MLLT10: variants seen among roughly 807,000 people sequenced by gnomAD.
MLLT10 encodes the protein MLLT10 histone lysine methyltransferase DOT1L cofactor.
A neutral mutation model predicts 129.1 loss-of-function variants in MLLT10; 30 were observed. The observed-to-expected ratio is 0.23, with a 90% CI of 0.17 to 0.32. The LOEUF is 0.32. MLLT10 is among the 10% of genes least tolerant of loss of function. MLLT10 has a pLI of 1.00. For synonymous variants in MLLT10, 490 were observed against 446.4 expected (o/e 1.10, Z -1.23); for missense variants, 1,119 against 1,268.3 (o/e 0.88, Z 1.79).
chr10:21,604,489 C>T (rs1194870701), intron 5 of MLLT10, among the ~76,000 whole-genome samples: 2 of 151,944 alleles, frequency 1.3e-5, no homozygotes, highest in Non-Finnish European at 2.9e-5. Flanking sequence ...ACTCGGGTGG[C>T]GGAGGAGGAG....
chr10:21,742,044 T>C lies in MLLT10; in HGVS notation c.*61T>C. On this transcript the variant is annotated 3_prime_UTR_variant, in exon 23 of 23. Coordinates refer to ENST00000307729, the MANE Select transcript of MLLT10 (RefSeq NM_001195626.3). ...GTTCTAGCACTTCATCTGGCTGCCTTTGCAGTCCTTTTACTACAGCTATGA... is the reference window on the plus strand; with the variant it reads ...GTTCTAGCACTTCATCTGGCTGCCTCTGCAGTCCTTTTACTACAGCTATGA... 6.7e-7 allele frequency: 1 copy of C among 1,497,642 alleles called. No individual in the cohort carries two copies. Among genetic ancestry groups the C allele is most frequent in the Non-Finnish European group, 9.2e-7 (1 of 1,081,252 alleles). 92.8% of individuals were successfully genotyped at this position (1,497,642 alleles called of 1,614,324 possible).
At chr10:21,693,830 A>C (rs760860676) in intron 13 of MLLT10, among the ~76,000 whole-genome samples, 1 of 152,100 alleles carries the variant, frequency 6.6e-6, no homozygotes, top group Non-Finnish European at 1.5e-5. Context: ...ATATCTGAGT[A>C]ATTTGTTTAG....
At chr10:21,639,243 C>A (rs944516583) in intron 8 of MLLT10, among the ~76,000 whole-genome samples, 1 of 152,212 alleles carries the variant, frequency 6.6e-6, no homozygotes, top group Non-Finnish European at 1.5e-5. Context: ...CCCCACCAAG[C>A]AAGCTGTCAG....
chr10:21,558,617 C>G (rs1025032385), intron 3 of MLLT10, among the ~76,000 whole-genome samples: 1 of 151,404 alleles, frequency 6.6e-6, no homozygotes, highest in Non-Finnish European at 1.5e-5. Context: ...AACTCCTGGC[C>G]TCACGCAGTC....
chr10:21,581,238 G>C (rs1423609313), intron 3 of MLLT10, among the ~76,000 whole-genome samples: 1 of 151,360 alleles, frequency 6.6e-6, no homozygotes, highest in Non-Finnish European at 1.5e-5. Flanking sequence ...TAGTAGAGAC[G>C]GGGTTTCACC....
intron 8 of MLLT10, 41 bp from the exon 9 acceptor site, chr10:21,651,632 T>C (rs772094893): frequency 1.4e-6 from 2 of 1,395,400 alleles, no homozygotes; most frequent in African/African-American, 1.4e-5. Flanking sequence ...TATGGGGTTA[T>C]AGTTAAATTA....
At chr10:21,590,499 C>T (rs1350887176) in intron 4 of MLLT10, among the ~76,000 whole-genome samples, 1 of 152,044 alleles carries the variant, frequency 6.6e-6, no homozygotes, top group Non-Finnish European at 1.5e-5. Context: ...CTACCATGCC[C>T]AGCTAATTTT....
At chr10:21,708,483 T>C (rs1564690763) in intron 13 of MLLT10, 1 of 803,652 alleles carries the variant, frequency 1.2e-6, no homozygotes, top group African/African-American at 1.9e-5. Context: ...GGGAATACAT[T>C]ATTTTCATTT....
intron 3 of MLLT10, among the ~76,000 whole-genome samples, chr10:21,574,474 A>C (rs2040526522): frequency 6.6e-6 from 1 of 152,208 alleles, no homozygotes; most frequent in South Asian, 2.1e-4. Context: ...GCAAGAAAAA[A>C]TTTGAGGCGG....
At chr10:21,722,636 C>G (rs1589823115) in intron 14 of MLLT10, among the ~76,000 whole-genome samples, 1 of 152,166 alleles carries the variant, frequency 6.6e-6, no homozygotes, top group Non-Finnish European at 1.5e-5. Flanking sequence ...ACGCCAGACA[C>G]TGTGTGTGCT....
At chr10:21,588,434 C>G (rs1341120048) in intron 4 of MLLT10, among the ~76,000 whole-genome samples, 1 of 152,020 alleles carries the variant, frequency 6.6e-6, no homozygotes, top group Non-Finnish European at 1.5e-5. Flanking sequence ...AATATCTAAT[C>G]AATCAGTTCT....
At chr10:21,677,825 C>T (rs2052337447) in intron 11 of MLLT10, among the ~76,000 whole-genome samples, 1 of 152,160 alleles carries the variant, frequency 6.6e-6, no homozygotes, top group Admixed American at 6.5e-5. Flanking sequence ...CGAAGATGAC[C>T]TTTGTAAGCA....
intron 9 of MLLT10, among the ~76,000 whole-genome samples, chr10:21,655,107 T>C (rs1363313545): frequency 6.6e-6 from 1 of 152,106 alleles, no homozygotes; most frequent in South Asian, 2.1e-4. Context: ...TTTAATCATA[T>C]CAGAATCTAG....
intron 17 of MLLT10, among the ~76,000 whole-genome samples, chr10:21,732,646 T>C (rs1288548168): frequency 1.3e-5 from 2 of 152,212 alleles, no homozygotes; most frequent in Admixed American, 1.3e-4. Context: ...TGTGTGTTTT[T>C]TGGTATGTGG....
At chr10:21,734,205 T>TA (rs1257119402) in intron 20 of MLLT10, 76 bp downstream of exon 20, 47 of 1,490,518 alleles carry the variant, frequency 3.2e-5, no homozygotes, top group Non-Finnish European at 4.2e-5. Context: ...GATTGGGGCT[T>TA]TCAATGTGTT....
At chr10:21,653,083 T>C (rs1198680728) in intron 9 of MLLT10, among the ~76,000 whole-genome samples, 2 of 152,202 alleles carry the variant, frequency 1.3e-5, no homozygotes, top group Non-Finnish European at 2.9e-5. Context: ...TTTAGTTTTC[T>C]ATTGCAGTTG....
rs180789919 is a variant in MLLT10 at position 21,613,309 on chromosome 10, G to A, written c.509+858G>A. ...GGTAACAGTTCCAAATAAAAAGTTT[G>A]GGAATAATCTGTGCACTAATTTTAA... On this transcript the variant is annotated intron_variant, in intron 6 of 22. Coordinates refer to ENST00000307729, the MANE Select transcript of MLLT10 (RefSeq NM_001195626.3). Among the ~76,000 whole-genome samples, 38 of 151,862 alleles carry A rather than the reference G, an allele frequency of 2.5e-4. No individual in the cohort carries two copies. In the East Asian group the frequency reaches 7.0e-3, roughly 28 times the overall value.
At chr10:21,722,232 C>G (rs2057184780) in intron 14 of MLLT10, among the ~76,000 whole-genome samples, 1 of 152,108 alleles carries the variant, frequency 6.6e-6, no homozygotes, top group African/African-American at 2.4e-5. Context: ...AACTTATATT[C>G]TTACAGTACC....
chr10:21,670,703 A>G lies in MLLT10; in HGVS notation c.1050A>G (p.Gln350=). The part of the protein sequence containing the change: ...TTVSAASPFP[Q]GSFSGTPGSV... Reference sequence around the variant, plus strand: ...TGTCAGCAGCTAGCCCTTTTCCTCAAGGTATTAGTGATGTTTTAGTTAAAA... The same window carrying G: ...TGTCAGCAGCTAGCCCTTTTCCTCAGGGTATTAGTGATGTTTTAGTTAAAA... Residue 350 remains glutamine, a splice_region_variant and synonymous_variant, in exon 10 of 23, where the codon CAA becomes CAG. Transcript: ENST00000307729. The G allele has an allele frequency of 6.2e-7, 1 of 1,612,238 alleles. No individual in the cohort carries two copies. The highest frequency in any genetic ancestry group is 8.5e-7 in the Non-Finnish European group (1 of 1,179,418).
Sources: allele counts gnomAD v4.1 joint callset (sites outside exome capture counted in the v4.1 genomes callset), GRCh38; gene constraint gnomAD v4.1.1; transcripts MANE v1.5; gene names NCBI Gene and HGNC (gene_info 2026-07-23, HGNC 2026-07-21).